The following KALRN variants were observed in gnomAD, a reference collection of about 807,000 sequenced individuals.
KALRN encodes kalirin RhoGEF kinase.
In KALRN, 70 loss-of-function variants were observed where a neutral mutation model predicts 353.7. That is an observed-to-expected ratio of 0.20 (90% CI 0.16 to 0.24). The LOEUF is 0.24. Among genes scored for constraint, KALRN ranks in the 10% least tolerant of loss-of-function variants. The probability of loss-of-function intolerance (pLI) is 1.00; values close to 1 mark genes in which losing one functional copy is unlikely to be tolerated. For missense variants in KALRN, 2,791 were observed against 3,756.7 expected (o/e 0.74, Z 6.72); for synonymous variants, 1,391 against 1,434.8 (o/e 0.97, Z 0.69).
chr3:124,685,027 T>C lies in KALRN; in HGVS notation c.7377+5510T>C, dbSNP rs531833946. ...CCCGGCCAGACGGATTGAAGGAAAC[T>C]TTTACACCCCCAGCCAGGTGACCAA... is the stretch of plus-strand genomic sequence containing the variant. On this transcript the variant is annotated intron_variant, in intron 51 of 59. Coordinates refer to ENST00000682506, the MANE Select transcript of KALRN (RefSeq NM_001388419.1). Among the ~76,000 whole-genome samples the C allele has an allele frequency of 3.3e-5, 5 of 152,208 alleles. No homozygotes were observed. In the South Asian group the frequency reaches 1.0e-3, roughly 32 times the overall value.
chr3:124,584,732 G>C (rs2074959864), intron 34 of KALRN: 3 of 1,504,878 alleles, frequency 2.0e-6, no homozygotes, highest in African/African-American at 1.4e-5. Context: ...GCCGGCTCTC[G>C]GGCGGCGGCG....
intron 1 of KALRN, among the ~76,000 whole-genome samples, chr3:124,213,584 G>T (rs1170820047): frequency 1.3e-5 from 2 of 152,230 alleles, no homozygotes; most frequent in East Asian, 1.9e-4. Context: ...CACATAGGGG[G>T]TACTAAGAGA....
chr3:124,244,663 G>C (rs770450197), intron 3 of KALRN, among the ~76,000 whole-genome samples: 1 of 152,156 alleles, frequency 6.6e-6, no homozygotes, highest in Non-Finnish European at 1.5e-5. Context: ...GTAATAGTGT[G>C]TCTTGGGATG....
intron 13 of KALRN, among the ~76,000 whole-genome samples, chr3:124,403,934 A>G (rs1315514820): frequency 1.3e-5 from 2 of 152,166 alleles, no homozygotes; most frequent in Non-Finnish European, 2.9e-5. Flanking sequence ...GGATGTTCAT[A>G]GAGGGTTTCC....
At chr3:124,125,421 G>A (rs1209062664) in intron 1 of KALRN, among the ~76,000 whole-genome samples, 2 of 152,220 alleles carry the variant, frequency 1.3e-5, no homozygotes, top group African/African-American at 4.8e-5. Flanking sequence ...TGACAGGAGA[G>A]TTTGAAGGGA....
At chr3:124,682,190 A>G (rs1242934483) in intron 51 of KALRN, among the ~76,000 whole-genome samples, 2 of 152,188 alleles carry the variant, frequency 1.3e-5, no homozygotes, top group African/African-American at 2.4e-5. Flanking sequence ...CTATACCTTA[A>G]AGATCCAAAT....
chr3:124,462,808 C>G (rs1047304177), intron 25 of KALRN, 175 bp downstream of exon 25: 5 of 550,624 alleles, frequency 9.1e-6, no homozygotes, highest in Non-Finnish European at 1.6e-5. Context: ...GTCCGAAAGT[C>G]CTAGTGGAGA....
chr3:124,582,318 G>A (rs1426671076), intron 34 of KALRN, among the ~76,000 whole-genome samples: 1 of 152,194 alleles, frequency 6.6e-6, no homozygotes, highest in Non-Finnish European at 1.5e-5. Flanking sequence ...ACTGCGCCCA[G>A]CCAACATGAG....
At chr3:124,322,827 A>G (rs189239628) in intron 6 of KALRN, among the ~76,000 whole-genome samples, 21 of 152,306 alleles carry the variant, frequency 1.4e-4, no homozygotes, top group Admixed American at 1.3e-3. Context: ...CCTAGGGACA[A>G]CTGCAGTTTA....
chr3:124,538,802 G>A (rs989249528), intron 33 of KALRN, among the ~76,000 whole-genome samples: 1 of 152,208 alleles, frequency 6.6e-6, no homozygotes, highest in Non-Finnish European at 1.5e-5. Context: ...TTCTGCCTGG[G>A]GAAAGCTGCG....
intron 1 of KALRN, among the ~76,000 whole-genome samples, chr3:124,156,839 G>T (rs1260420153): frequency 6.6e-6 from 1 of 152,154 alleles, no homozygotes. Flanking sequence ...ATTTTCATCA[G>T]GAAAGAGTCC....
At chr3:124,639,923 G>A (rs1476215612) in intron 37 of KALRN, among the ~76,000 whole-genome samples, 1 of 152,142 alleles carries the variant, frequency 6.6e-6, no homozygotes, top group Non-Finnish European at 1.5e-5. Flanking sequence ...TTTGATTCTT[G>A]GTCCTTTCCA....
intron 56 of KALRN, 65 bp downstream of exon 56, chr3:124,700,098 G>A: frequency 6.6e-7 from 1 of 1,524,390 alleles, no homozygotes; most frequent in Non-Finnish European, 9.0e-7. Context: ...GCCTGTCACA[G>A]ACTCCTGGGC....
intron 10 of KALRN, among the ~76,000 whole-genome samples, chr3:124,373,038 C>T (rs2086076367): frequency 6.6e-6 from 1 of 152,132 alleles, no homozygotes. Flanking sequence ...GAGCCTGGGC[C>T]CTGCATTGTC....
chr3:124,596,163 A>G (rs2076243583), intron 34 of KALRN, among the ~76,000 whole-genome samples: 1 of 150,052 alleles, frequency 6.7e-6, no homozygotes, highest in South Asian at 2.1e-4. Context: ...ATTTCATTTC[A>G]AAACAATAGC....
chr3:124,453,411 G>A (rs2058991750), intron 21 of KALRN, among the ~76,000 whole-genome samples: 1 of 152,204 alleles, frequency 6.6e-6, no homozygotes, highest in African/African-American at 2.4e-5. Flanking sequence ...GCGGCAGGCA[G>A]AGCACTCTCA....
chr3:124,451,009 C>T (rs970337902), intron 21 of KALRN, among the ~76,000 whole-genome samples: 8 of 151,732 alleles, frequency 5.3e-5, no homozygotes, highest in Non-Finnish European at 1.0e-4. Flanking sequence ...ACAAGGAGCT[C>T]AGTAAATTTG....
intron 57 of KALRN, among the ~76,000 whole-genome samples, chr3:124,707,210 G>A (rs2062664909): frequency 6.6e-6 from 1 of 152,080 alleles, no homozygotes; most frequent in African/African-American, 2.4e-5. Flanking sequence ...AGGCATGGTG[G>A]TGCACACCTG....
chr3:124,188,382 G>C (rs771518160), intron 1 of KALRN, among the ~76,000 whole-genome samples: 1 of 152,208 alleles, frequency 6.6e-6, no homozygotes, highest in Non-Finnish European at 1.5e-5. Context: ...TGGTGGAGGA[G>C]AGAAGCTCTG....
Sources: allele counts gnomAD v4.1 joint callset (sites outside exome capture counted in the v4.1 genomes callset), GRCh38; gene constraint gnomAD v4.1.1; transcripts MANE v1.5; gene names NCBI Gene and HGNC (gene_info 2026-07-23, HGNC 2026-07-21).